The following DPP6 variants were observed in gnomAD, a reference collection of about 807,000 sequenced individuals.
DPP6 encodes A-type potassium channel modulatory protein DPP6.
DPP6 carries 69 observed loss-of-function variants against 122.6 expected under a neutral mutation model. That is an observed-to-expected ratio of 0.56 (90% CI 0.46 to 0.69). DPP6 has a LOEUF of 0.69. Among genes scored for constraint, DPP6 ranks in the 30% least tolerant of loss-of-function variants. The pLI is 0.00. For missense variants in DPP6, 928 were observed against 1,116.9 expected (o/e 0.83, Z 2.41); for synonymous variants, 418 against 433.1 (o/e 0.97, Z 0.43).
At chr7:154,578,427 G>T (rs934233519) in intron 5 of DPP6, among the ~76,000 whole-genome samples, 3 of 152,050 alleles carry the variant, frequency 2.0e-5, no homozygotes, top group Non-Finnish European at 4.4e-5. Context: ...GTTTATGATA[G>T]ATGGAAGTTT....
chr7:153,918,466 A>ACTCTCTCT (rs1202248132), intron 1 of DPP6, among the ~76,000 whole-genome samples: 12 of 95,984 alleles, frequency 1.3e-4, no homozygotes, highest in East Asian at 3.5e-4. Context: ...ACACACACAC[A>ACTCTCTCT]CTCTCTCTCT....
the DPP6 span, among the ~76,000 whole-genome samples, chr7:153,869,644 A>T: frequency 1.3e-5 from 2 of 152,116 alleles, no homozygotes. Flanking sequence ...CATTTAGCCC[A>T]TTTACATTTA....
chr7:154,252,276 G>A (rs973378939), intron 1 of DPP6, among the ~76,000 whole-genome samples: 1 of 152,130 alleles, frequency 6.6e-6, no homozygotes, highest in Admixed American at 6.5e-5. Flanking sequence ...ATGAAATGGA[G>A]GAAGAATATT....
chr7:154,596,157 G>C (rs541480582), intron 5 of DPP6, among the ~76,000 whole-genome samples: 1 of 152,320 alleles, frequency 6.6e-6, no homozygotes, highest in African/African-American at 2.4e-5. Context: ...CTCACTTTTA[G>C]AACAGTGCAG....
At chr7:154,053,150 G>A (rs891056548) in intron 1 of DPP6, 87 bp downstream of exon 1, 2 of 916,732 alleles carry the variant, frequency 2.2e-6, no homozygotes, top group African/African-American at 1.8e-5. Context: ...AATTTTTTTT[G>A]GGGGGGGAAT....
chr7:153,977,881 A>T (rs564068714), intron 1 of DPP6, among the ~76,000 whole-genome samples: 1 of 152,226 alleles, frequency 6.6e-6, no homozygotes, highest in African/African-American at 2.4e-5. Flanking sequence ...AAAGGACACG[A>T]ACTCATTCTT....
At chr7:154,007,500 C>A (rs1797963092) in intron 1 of DPP6, among the ~76,000 whole-genome samples, 1 of 152,140 alleles carries the variant, frequency 6.6e-6, no homozygotes, top group Non-Finnish European at 1.5e-5. Flanking sequence ...AAAATCACCT[C>A]TAATTGCTTC....
Position 154,486,461 on chromosome 7 carries a change from C to A in DPP6, c.457+11424C>A, listed in dbSNP as rs539220442. ...ATGGCCTCTATTACCACGTTCCTGGCCATATTAGGTTCTTTGGCAGCTTTG... is the reference window on the plus strand; with the variant it reads ...ATGGCCTCTATTACCACGTTCCTGGACATATTAGGTTCTTTGGCAGCTTTG... On this transcript the variant is annotated intron_variant, in intron 3 of 25. Transcript: ENST00000377770. The surrounding 1 kb of genome is among the most constrained non-coding windows in gnomAD (Gnocchi z 4.5). Among the ~76,000 whole-genome samples, 22 of 152,284 alleles carry A rather than the reference C, an allele frequency of 1.4e-4. No individual in the cohort carries two copies. The highest frequency in any genetic ancestry group is 5.1e-4 in the African/African-American group (21 of 41,570).
chr7:154,723,468 TAAA>T (rs3080669), intron 7 of DPP6, among the ~76,000 whole-genome samples: 8 of 149,196 alleles, frequency 5.4e-5, no homozygotes, highest in East Asian at 3.9e-4. Context: ...CATTTATTTT[TAAA>T]AAAAAAAAAA....
chr7:154,204,519 A>G (rs1799332055), intron 1 of DPP6, among the ~76,000 whole-genome samples: 3 of 152,184 alleles, frequency 2.0e-5, no homozygotes, highest in African/African-American at 4.8e-5. Flanking sequence ...AAAAGAGCCC[A>G]TTATCATCAT....
In DPP6 at chr7:154,875,493, T is replaced by C. The variant is rs1804770706; in HGVS notation, c.1884-413T>C. Among the ~76,000 whole-genome samples the C allele has an allele frequency of 6.6e-6, 1 of 152,182 alleles. No homozygotes were observed. The highest frequency in any genetic ancestry group is 2.1e-4 in the South Asian group (1 of 4,828). On this transcript the variant is annotated intron_variant, in intron 19 of 25. Coordinates refer to ENST00000377770, the MANE Select transcript of DPP6 (RefSeq NM_130797.4). The surrounding 1 kb of genome is among the most constrained non-coding windows in gnomAD (Gnocchi z 4.5). The stretch of plus-strand genomic sequence containing the variant: ...GGATGTGGCTAGAGTCAGCGCGGCC[T>C]TGTCACTTGTGATGGGTACTGAGAG...
chr7:154,633,461 C>A (rs923003162), intron 5 of DPP6, among the ~76,000 whole-genome samples: 1 of 152,186 alleles, frequency 6.6e-6, no homozygotes, highest in Non-Finnish European at 1.5e-5. Flanking sequence ...GTCTTGAACT[C>A]CTGACCTCAG....
intron 5 of DPP6, among the ~76,000 whole-genome samples, chr7:154,567,309 C>A (rs939271631): frequency 2.8e-4 from 42 of 152,192 alleles, no homozygotes; most frequent in African/African-American, 9.2e-4. Flanking sequence ...TGTTAATTAT[C>A]TCCTGGTCAT....
chr7:154,865,130 C>A (rs934609286), intron 17 of DPP6, among the ~76,000 whole-genome samples: 1 of 152,212 alleles, frequency 6.6e-6, no homozygotes, highest in Non-Finnish European at 1.5e-5. Context: ...TTGCCACTAG[C>A]AGACCCCCCC....
chr7:154,750,021 G>C (rs977543873), intron 8 of DPP6, among the ~76,000 whole-genome samples: 6 of 151,632 alleles, frequency 4.0e-5, no homozygotes, highest in Non-Finnish European at 7.4e-5. Flanking sequence ...AGGGATGGAG[G>C]CTTTACTGTG....
At chr7:154,737,583 CT>C (rs1039921473) in intron 8 of DPP6, among the ~76,000 whole-genome samples, 1 of 152,176 alleles carries the variant, frequency 6.6e-6, no homozygotes, top group Non-Finnish European at 1.5e-5. Context: ...TTTCCTTATC[CT>C]ATTGCACAGC....
chr7:154,853,558 GT>G (rs1802569891), intron 16 of DPP6, among the ~76,000 whole-genome samples: 1 of 152,242 alleles, frequency 6.6e-6, no homozygotes, highest in Non-Finnish European at 1.5e-5. Context: ...TTTGAGTTGG[GT>G]GTGTTGCAGT....
At chr7:154,639,801 A>G (rs1835951769) in intron 6 of DPP6, among the ~76,000 whole-genome samples, 1 of 152,194 alleles carries the variant, frequency 6.6e-6, no homozygotes, top group South Asian at 2.1e-4. Context: ...CCCCTGGTTT[A>G]TTGGTTAGCT....
intron 1 of DPP6, among the ~76,000 whole-genome samples, chr7:154,285,263 T>C (rs1804775995): frequency 6.6e-6 from 1 of 152,068 alleles, no homozygotes; most frequent in African/African-American, 2.4e-5. Context: ...TACTAGTTTG[T>C]TGTTGTTGTT....
Sources: allele counts gnomAD v4.1 joint callset (sites outside exome capture counted in the v4.1 genomes callset), GRCh38; gene constraint gnomAD v4.1.1; non-coding constraint Gnocchi (gnomAD v3.1); transcripts MANE v1.5; gene names NCBI Gene and HGNC (gene_info 2026-07-23, HGNC 2026-07-21).